The following CACNA2D2 variants were observed in gnomAD, a reference collection of about 807,000 sequenced individuals.
The protein encoded by CACNA2D2 is voltage-dependent calcium channel subunit alpha-2/delta-2.
Under a neutral mutation model 166.4 loss-of-function variants are expected in CACNA2D2, and 48 were observed. The ratio of observed to expected loss-of-function variants is 0.29; its 90% CI spans 0.23 to 0.37. The LOEUF is 0.37. Ranked by LOEUF, CACNA2D2 falls within the 10% of genes least tolerant of loss-of-function variation. CACNA2D2 has a pLI of 1.00. For missense variants in CACNA2D2, 1,122 were observed against 1,433.0 expected, an observed-to-expected ratio of 0.78 and a Z score of 3.50; for synonymous variants, 561 against 573.7, an observed-to-expected ratio of 0.98 and a Z score of 0.32.
chr3:50,390,828 G>A lies in CACNA2D2; in HGVS notation c.466-3216C>T, dbSNP rs910481007. ...CTGAGGAAATGAGCACGGGGTGAGC[G>A]GGGGAAGGACAGTTGCCATCCAAGT... On this transcript the variant is annotated intron_variant, in intron 4 of 37. Coordinates refer to ENST00000424201, the MANE Select transcript of CACNA2D2 (RefSeq NM_006030.4). 4.6e-5 allele frequency among the ~76,000 whole-genome samples: 7 copies of A among 152,312 alleles called. No individual in the cohort carries two copies. The South Asian group carries it at 1.0e-3, about 23-fold the overall frequency.
intron 1 of CACNA2D2, among the ~76,000 whole-genome samples, chr3:50,478,082 G>A (rs1023313106): frequency 6.6e-6 from 1 of 152,170 alleles, no homozygotes; most frequent in Non-Finnish European, 1.5e-5. Context: ...AAAAGAAAGA[G>A]GTATTAGCTT....
At chr3:50,440,730 C>T (rs1360441564) in intron 2 of CACNA2D2, among the ~76,000 whole-genome samples, 2 of 152,076 alleles carry the variant, frequency 1.3e-5, no homozygotes, top group East Asian at 1.9e-4. Context: ...CTTACATCCC[C>T]CTGGAACAGC....
rs371830937 is a variant in CACNA2D2, at chr3:50,367,361, G to A, written c.2401+33C>T. 5 of 1,584,308 alleles carry A rather than the reference G, an allele frequency of 3.2e-6. No homozygotes were observed. In the African/African-American group the frequency reaches 5.4e-5, roughly 17 times the overall value. On this transcript the variant is annotated intron_variant, in intron 27 of 37. Transcript: ENST00000424201. The surrounding 1 kb of genome is among the most constrained non-coding windows in gnomAD (Gnocchi z 6.5). ...GCAGACAGGGAAGCTGAGGCTCCCT[G>A]CCTGCTGCTGGGCACACTGCGGGGA...
intron 1 of CACNA2D2, among the ~76,000 whole-genome samples, chr3:50,501,330 TTG>T (rs371903359): frequency 9.2e-5 from 14 of 152,256 alleles, no homozygotes; most frequent in African/African-American, 3.4e-4. Context: ...ACCCTCTGTG[TTG>T]TTGTACCATT....
At chr3:50,421,115 T>C (rs529492636) in intron 3 of CACNA2D2, among the ~76,000 whole-genome samples, 2 of 152,244 alleles carry the variant, frequency 1.3e-5, no homozygotes, top group Non-Finnish European at 2.9e-5. Flanking sequence ...CCCTGTGTGC[T>C]GGGGAGGGGG....
At chr3:50,409,396 T>C (rs1706882950) in intron 3 of CACNA2D2, among the ~76,000 whole-genome samples, 1 of 152,208 alleles carries the variant, frequency 6.6e-6, no homozygotes. Context: ...AAAAGCCCCA[T>C]GGCTGGTTGA....
intron 17 of CACNA2D2, 117 bp downstream of exon 17, chr3:50,377,350 G>T: frequency 1.2e-6 from 1 of 823,530 alleles, no homozygotes; most frequent in Non-Finnish European, 1.9e-6. Flanking sequence ...AGCCTTCCCC[G>T]ACCCCTGAAC....
At chr3:50,368,269 G>T in intron 23 of CACNA2D2, 34 bp from the exon 24 acceptor site, 1 of 1,373,064 alleles carries the variant, frequency 7.3e-7, no homozygotes, top group Non-Finnish European at 1.0e-6. Context: ...GAGTGGGCTT[G>T]GGGGGCTGGA....
At chr3:50,395,618 C>T (rs911522888) in intron 3 of CACNA2D2, among the ~76,000 whole-genome samples, 2 of 152,232 alleles carry the variant, frequency 1.3e-5, no homozygotes, top group African/African-American at 4.8e-5. Flanking sequence ...AGGGGACGTC[C>T]TACTAAAGCC....
At chr3:50,500,465 G>A (rs1698914251) in intron 1 of CACNA2D2, among the ~76,000 whole-genome samples, 1 of 152,158 alleles carries the variant, frequency 6.6e-6, no homozygotes, top group Non-Finnish European at 1.5e-5. Flanking sequence ...GGGAAGGATA[G>A]GTACAGCTCG....
At chr3:50,481,506 G>A (rs1698056887) in intron 1 of CACNA2D2, among the ~76,000 whole-genome samples, 1 of 152,184 alleles carries the variant, frequency 6.6e-6, no homozygotes, top group Admixed American at 6.5e-5. Context: ...GGGCAGCAGG[G>A]GAAGCAGGAG....
intron 4 of CACNA2D2, among the ~76,000 whole-genome samples, chr3:50,391,334 C>G (rs757883491): frequency 3.3e-5 from 5 of 152,246 alleles, no homozygotes; most frequent in African/African-American, 9.6e-5. Flanking sequence ...GCCACTCCCC[C>G]CTCCCCTTCC....
chr3:50,390,265 C>A (rs1379849613), intron 4 of CACNA2D2, among the ~76,000 whole-genome samples: 1 of 152,154 alleles, frequency 6.6e-6, no homozygotes, highest in South Asian at 2.1e-4. Context: ...GTCCCAGTGG[C>A]CTGCTGAGGA....
intron 3 of CACNA2D2, among the ~76,000 whole-genome samples, chr3:50,397,695 G>C (rs1019470795): frequency 1.3e-5 from 2 of 152,220 alleles, no homozygotes; most frequent in African/African-American, 4.8e-5. Context: ...CCAGTCCCGT[G>C]AGGTTTCTCT....
At chr3:50,422,752 G>A (rs1707632215) in intron 3 of CACNA2D2, among the ~76,000 whole-genome samples, 1 of 152,246 alleles carries the variant, frequency 6.6e-6, no homozygotes, top group African/African-American at 2.4e-5. Flanking sequence ...GGTCAGTGCT[G>A]TAGCTGCAAT....
At chr3:50,424,984 C>G (rs776075328) in intron 3 of CACNA2D2, among the ~76,000 whole-genome samples, 2 of 152,146 alleles carry the variant, frequency 1.3e-5, no homozygotes, top group African/African-American at 2.4e-5. Context: ...GCCAAGGTAC[C>G]TCCCACAGGT....
chr3:50,491,476 C>T (rs1410150103), intron 1 of CACNA2D2, among the ~76,000 whole-genome samples: 1 of 152,206 alleles, frequency 6.6e-6, no homozygotes, highest in Non-Finnish European at 1.5e-5. Flanking sequence ...AACAATTAAA[C>T]ATGCTGCCTC....
chr3:50,488,638 A>AC (rs1698391696), intron 1 of CACNA2D2, among the ~76,000 whole-genome samples: 2 of 64,700 alleles, frequency 3.1e-5, no homozygotes, highest in African/African-American at 1.2e-4. Context: ...CCCCTCTACC[A>AC]CCCCCCTAGC....
At chr3:50,464,138 G>A (rs1351143462) in intron 2 of CACNA2D2, among the ~76,000 whole-genome samples, 2 of 152,314 alleles carry the variant, frequency 1.3e-5, no homozygotes, top group East Asian at 1.9e-4. Flanking sequence ...CCCCCCCAGC[G>A]ACCCAAGAAC....
Sources: allele counts gnomAD v4.1 joint callset (sites outside exome capture counted in the v4.1 genomes callset), GRCh38; gene constraint gnomAD v4.1.1; non-coding constraint Gnocchi (gnomAD v3.1); transcripts MANE v1.5; gene names NCBI Gene and HGNC (gene_info 2026-07-23, HGNC 2026-07-21).